SNX29: variants seen among roughly 807,000 people sequenced by gnomAD.
The protein encoded by SNX29 is sorting nexin-29.
In SNX29, 78 loss-of-function variants were observed where a neutral mutation model predicts 102.1. The observed-to-expected ratio is 0.76, with a 90% CI of 0.64 to 0.92. SNX29 has a LOEUF of 0.92. Among genes scored for constraint, SNX29 ranks in the 40% least tolerant of loss-of-function variants. The pLI, the probability that SNX29 is intolerant of heterozygous loss-of-function variation, is 0.00. For missense variants in SNX29, 1,280 were observed against 1,061.7 expected (o/e 1.21, Z -2.86); for synonymous variants, 580 against 414.5 (o/e 1.40, Z -4.85).
chr16:12,242,545 C>T (rs1050244024), intron 14 of SNX29, among the ~76,000 whole-genome samples: 3 of 148,214 alleles, frequency 2.0e-5, no homozygotes, highest in Admixed American at 6.6e-5. Context: ...AGGGGTTCAG[C>T]TGTGTCTGAT....
chr16:12,564,557 T>G (rs1304272825), intron 20 of SNX29, among the ~76,000 whole-genome samples: 1 of 152,176 alleles, frequency 6.6e-6, no homozygotes, highest in African/African-American at 2.4e-5. Flanking sequence ...TGGCAACCCA[T>G]TCTTATGGAT....
At chr16:12,328,954 G>C (rs2081209678) in intron 15 of SNX29, among the ~76,000 whole-genome samples, 1 of 151,874 alleles carries the variant, frequency 6.6e-6, no homozygotes, top group Admixed American at 6.6e-5. Context: ...TTCATCCTTG[G>C]TGGGCTTTTC....
chr16:12,547,058 T>C (rs147546670), intron 20 of SNX29, among the ~76,000 whole-genome samples: 1,750 of 152,192 alleles, frequency 0.011, 18 homozygotes, highest in Middle Eastern at 0.061. Context: ...GACACAGACA[T>C]TGAATAGTGA....
intron 13 of SNX29, among the ~76,000 whole-genome samples, chr16:12,164,781 G>T (rs1172137841): frequency 6.9e-6 from 1 of 143,904 alleles, no homozygotes; most frequent in Non-Finnish European, 1.5e-5. Context: ...TCCGCCTCCC[G>T]GGTTCAAGCA....
intron 9 of SNX29, among the ~76,000 whole-genome samples, chr16:12,068,057 C>T (rs1049434668): frequency 7.9e-5 from 12 of 152,156 alleles, no homozygotes; most frequent in Admixed American, 7.2e-4. Flanking sequence ...CTGCCCTCTA[C>T]TGTCTGATTC....
chr16:12,566,491 G>GT (rs1047690905), intron 20 of SNX29, among the ~76,000 whole-genome samples: 1 of 152,216 alleles, frequency 6.6e-6, no homozygotes, highest in Non-Finnish European at 1.5e-5. Context: ...GATGATGGTG[G>GT]TTGCAGGCTA....
At chr16:12,451,127 G>A (rs1383199246) in intron 18 of SNX29, among the ~76,000 whole-genome samples, 1 of 152,206 alleles carries the variant, frequency 6.6e-6, no homozygotes, top group African/African-American at 2.4e-5. Flanking sequence ...GGTACTTACT[G>A]CTATTTTTAT....
intron 20 of SNX29, among the ~76,000 whole-genome samples, chr16:12,547,416 C>T (rs912955970): frequency 2.6e-5 from 4 of 152,126 alleles, no homozygotes; most frequent in East Asian, 3.9e-4. Flanking sequence ...GTTAGGGGAC[C>T]ATGTGGGCAC....
chr16:12,009,897 T>C (rs2151050921), intron 3 of SNX29, among the ~76,000 whole-genome samples: 1 of 152,382 alleles, frequency 6.6e-6, no homozygotes, highest in Non-Finnish European at 1.5e-5. Context: ...AAGGCGTCTT[T>C]GTCCCATACG....
At chr16:12,465,085 A>C (rs2086991319) in intron 18 of SNX29, among the ~76,000 whole-genome samples, 1 of 152,156 alleles carries the variant, frequency 6.6e-6, no homozygotes, top group Non-Finnish European at 1.5e-5. Flanking sequence ...CCCATTTTAA[A>C]ATCAGATTAT....
intron 13 of SNX29, among the ~76,000 whole-genome samples, chr16:12,184,873 C>T (rs546064313): frequency 1.3e-5 from 2 of 152,226 alleles, no homozygotes; most frequent in Non-Finnish European, 2.9e-5. Flanking sequence ...TCAACTCTTG[C>T]AGTCATTAGC....
At chr16:12,429,317 C>G (rs2085217382) in intron 18 of SNX29, among the ~76,000 whole-genome samples, 1 of 152,232 alleles carries the variant, frequency 6.6e-6, no homozygotes, top group Non-Finnish European at 1.5e-5. Context: ...TGTAGTTAAT[C>G]CCAACACATA....
intron 3 of SNX29, among the ~76,000 whole-genome samples, chr16:12,019,581 A>AAT (rs199652904): frequency 6.6e-4 from 98 of 147,752 alleles, no homozygotes; most frequent in African/African-American, 2.0e-3. Flanking sequence ...TATATATGTA[A>AAT]ATATATATAT....
At chr16:12,497,418 G>A (rs1026573572) in intron 19 of SNX29, among the ~76,000 whole-genome samples, 1 of 152,200 alleles carries the variant, frequency 6.6e-6, no homozygotes, top group Non-Finnish European at 1.5e-5. Flanking sequence ...TTAAATTAGG[G>A]TGTGGGAGCA....
At chr16:12,505,650 C>T (rs2089337828) in intron 19 of SNX29, among the ~76,000 whole-genome samples, 1 of 148,874 alleles carries the variant, frequency 6.7e-6, no homozygotes, top group African/African-American at 2.5e-5. Flanking sequence ...CAGGTAGTAG[C>T]TGTTGGAATT....
chr16:12,144,547 T>G (rs2054984721), intron 13 of SNX29, among the ~76,000 whole-genome samples: 1 of 152,220 alleles, frequency 6.6e-6, no homozygotes, highest in African/African-American at 2.4e-5. Flanking sequence ...CCTTTTTCCG[T>G]TACTGCCTTC....
chr16:12,350,799 C>G (rs967053272), intron 15 of SNX29, among the ~76,000 whole-genome samples: 1 of 152,192 alleles, frequency 6.6e-6, no homozygotes, highest in Non-Finnish European at 1.5e-5. Context: ...AAAAGTACTT[C>G]TTTGAGGTCC....
chr16:12,291,315 C>CT (rs1212455886), intron 15 of SNX29, among the ~76,000 whole-genome samples: 1 of 152,216 alleles, frequency 6.6e-6, no homozygotes, highest in African/African-American at 2.4e-5. Flanking sequence ...CAAGTCATGT[C>CT]TAACATGGAT....
intron 4 of SNX29, 195 bp downstream of exon 4, chr16:12,027,639 A>C (rs778873201): frequency 3.4e-6 from 2 of 591,982 alleles, no homozygotes; most frequent in Admixed American, 3.5e-5. Flanking sequence ...AAATGAAGTC[A>C]TCTTTTGTGC....
Sources: allele counts gnomAD v4.1 joint callset (sites outside exome capture counted in the v4.1 genomes callset), GRCh38; gene constraint gnomAD v4.1.1; transcripts MANE v1.5; gene names NCBI Gene and HGNC (gene_info 2026-07-23, HGNC 2026-07-21).